CACNA1E: variants seen among roughly 807,000 people sequenced by gnomAD.
CACNA1E encodes the protein voltage-dependent R-type calcium channel subunit alpha-1E.
A neutral mutation model predicts 259.2 loss-of-function variants in CACNA1E; 40 were observed. The observed-to-expected ratio is 0.15, with a 90% CI of 0.12 to 0.20. CACNA1E has a LOEUF of 0.20. Ranked by LOEUF, CACNA1E falls within the 10% of genes least tolerant of loss-of-function variation. The pLI is 1.00. For synonymous variants in CACNA1E, 1,104 were observed against 1,138.5 expected, an observed-to-expected ratio of 0.97 and a Z score of 0.61; for missense variants, 1,874 against 3,040.1, an observed-to-expected ratio of 0.62 and a Z score of 9.02.
intron 2 of CACNA1E, among the ~76,000 whole-genome samples, chr1:181,469,628 T>C (rs1035364312): frequency 1.3e-5 from 2 of 152,130 alleles, no homozygotes; most frequent in African/African-American, 4.8e-5. Context: ...AAGCCATCCA[T>C]ATGGATGAGA....
At chr1:181,772,325 A>G (rs1382988851) in intron 37 of CACNA1E, 94 bp downstream of exon 37, 1 of 1,300,938 alleles carries the variant, frequency 7.7e-7, no homozygotes, top group African/African-American at 1.5e-5. Context: ...GCTTCAGTGT[A>G]TGTTTGTGCC....
Position 181,776,414 on chromosome 1 carries a change from C to A in CACNA1E, c.5267+186C>A. On this transcript the variant is annotated intron_variant, in intron 38 of 47. Transcript: ENST00000367573. The surrounding 1 kb of genome is among the most constrained non-coding windows in gnomAD (Gnocchi z 4.4). ...CAGTCACCAAGGACTTCTGTATCCTCCTTTCCCCTCTCTTTCCTTCTGTGA... is the reference window on the plus strand; with the variant it reads ...CAGTCACCAAGGACTTCTGTATCCTACTTTCCCCTCTCTTTCCTTCTGTGA... 1.7e-6 allele frequency: 1 copy of A among 583,552 alleles called. No individual in the cohort carries two copies. The highest frequency in any genetic ancestry group is 3.0e-6 in the Non-Finnish European group (1 of 328,036). The allele number at this position is 583,552 out of a possible 1,614,324, so 36.1% of individuals were successfully genotyped here. A position where few individuals can be genotyped will look rare whatever the true frequency, so the allele number is the denominator to read the frequency against.
intron 25 of CACNA1E, among the ~76,000 whole-genome samples, chr1:181,741,175 A>G (rs1308470436): frequency 1.3e-5 from 2 of 152,116 alleles, no homozygotes; most frequent in Non-Finnish European, 2.9e-5. Flanking sequence ...GAAAGAACCC[A>G]CCCCATCTTT....
At position 181,717,348 on chromosome 1, in the gene CACNA1E, G is replaced by A; in HGVS notation, c.1525+46G>A. ...AAGCCTCCTCTGCTGGTCCCCATGT[G>A]GGGCAGCTTGATGTGTGTGTGAACG... On this transcript the variant is annotated intron_variant, in intron 11 of 47. Coordinates refer to ENST00000367573, the MANE Select transcript of CACNA1E (RefSeq NM_001205293.3). 2.0e-6 allele frequency: 3 copies of A among 1,510,660 alleles called. No individual in the cohort carries two copies. In the South Asian group the frequency reaches 3.4e-5, roughly 17 times the overall value. The allele number at this position is 1,510,660 out of a possible 1,614,324, so 93.6% of individuals were successfully genotyped here. A position where few individuals can be genotyped will look rare whatever the true frequency, so the allele number is the denominator to read the frequency against.
chr1:181,359,014 G>C (rs952543858), intron 1 of CACNA1E, among the ~76,000 whole-genome samples: 2 of 152,188 alleles, frequency 1.3e-5, no homozygotes, highest in East Asian at 3.8e-4. Context: ...GGTATGCTAT[G>C]TTTGATCAGT....
intron 1 of CACNA1E, among the ~76,000 whole-genome samples, chr1:181,391,655 C>T (rs1185394519): frequency 6.6e-6 from 1 of 152,154 alleles, no homozygotes; most frequent in Non-Finnish European, 1.5e-5. Context: ...TTCTAGTCTC[C>T]CCCTGGGGCC....
intron 7 of CACNA1E, among the ~76,000 whole-genome samples, chr1:181,686,283 T>TTTTTTGTTTTTG (rs1650542492): frequency 8.1e-6 from 1 of 122,764 alleles, no homozygotes; most frequent in Non-Finnish European, 1.7e-5. Context: ...AAGTTTTTTT[T>TTTTTTGTTTTTG]TTTTTTTTTT....
chr1:181,717,355 C>T (rs1464665421), intron 11 of CACNA1E, 53 bp downstream of exon 11: 1 of 1,466,954 alleles, frequency 6.8e-7, no homozygotes, highest in African/African-American at 1.4e-5. Context: ...TGTGGGGCAG[C>T]TTGATGTGTG....
At position 181,733,594 on chromosome 1, in the gene CACNA1E, G is replaced by A. The variant is rs1317874109; in HGVS notation, c.3106G>A (p.Gly1036Arg). The A allele has an allele frequency of 7.4e-6, 12 of 1,612,992 alleles. No homozygotes were observed. Among genetic ancestry groups the A allele is most frequent in the Non-Finnish European group, 7.6e-6 (9 of 1,179,518 alleles). ...AGGCAGCAGTGAGCAGGCCCTGCTG[G>A]GGAATGTGCAGCTAGACATGGGCCG... Reference protein sequence around the residue: ...PEGSSEQALLGNVQLDMGRVI... With the variant: ...PEGSSEQALLRNVQLDMGRVI... The change falls in exon 21 of 48, where the codon GGG becomes AGG. Residue 1036 changes from glycine (G) to arginine (R), a missense_variant. This residue lies in a region of CACNA1E where 476 missense variants were observed against 514.0 expected (regional missense o/e 0.93). Transcript: ENST00000367573.
intron 1 of CACNA1E, among the ~76,000 whole-genome samples, chr1:181,361,535 G>A (rs1489102374): frequency 6.6e-6 from 1 of 152,042 alleles, no homozygotes; most frequent in Non-Finnish European, 1.5e-5. Context: ...GTTGCTAGAG[G>A]GCTGGCCCTG....
At chr1:181,500,984 C>T (rs116686054) in intron 1 of CACNA1E, among the ~76,000 whole-genome samples, 1,615 of 152,268 alleles carry the variant, frequency 0.011, 19 homozygotes, top group Non-Finnish European at 0.015. Context: ...CTGAAATGCA[C>T]GTTGCTGCCA....
chr1:181,583,158 G>A (rs1429474696), intron 6 of CACNA1E, among the ~76,000 whole-genome samples: 1 of 149,044 alleles, frequency 6.7e-6, no homozygotes, highest in Non-Finnish European at 1.5e-5. Context: ...ATACACACTG[G>A]TTGCGTACCA....
At chr1:181,369,507 A>G (rs1654528214) in intron 1 of CACNA1E, among the ~76,000 whole-genome samples, 1 of 152,214 alleles carries the variant, frequency 6.6e-6, no homozygotes, top group African/African-American at 2.4e-5. Flanking sequence ...GTAGAATGAA[A>G]GCCATCCTGT....
At chr1:181,339,608 A>G (rs1330056660) in intron 1 of CACNA1E, among the ~76,000 whole-genome samples, 1 of 152,096 alleles carries the variant, frequency 6.6e-6, no homozygotes, top group East Asian at 1.9e-4. Flanking sequence ...TTATTCATCT[A>G]CCGACATAGT....
intron 6 of CACNA1E, among the ~76,000 whole-genome samples, chr1:181,582,640 T>C (rs962722734): frequency 6.6e-6 from 1 of 152,218 alleles, no homozygotes; most frequent in Non-Finnish European, 1.5e-5. Context: ...CATTTTTTCT[T>C]TATTAGTTTC....
At chr1:181,679,283 A>G (rs1039015506) in intron 7 of CACNA1E, among the ~76,000 whole-genome samples, 9 of 152,298 alleles carry the variant, frequency 5.9e-5, no homozygotes, top group Middle Eastern at 3.4e-3. Context: ...CATATTACCC[A>G]TGGTGGAATG....
chr1:181,538,366 A>G (rs1668330060), intron 3 of CACNA1E, among the ~76,000 whole-genome samples: 1 of 152,238 alleles, frequency 6.6e-6, no homozygotes, highest in Admixed American at 6.5e-5. Flanking sequence ...GCATTTTTAT[A>G]CATGCTGCAT....
chr1:181,351,851 C>A (rs148511018), intron 1 of CACNA1E, among the ~76,000 whole-genome samples: 1 of 152,180 alleles, frequency 6.6e-6, no homozygotes, highest in Non-Finnish European at 1.5e-5. Flanking sequence ...AACTCAATGA[C>A]GCCTGCAATG....
chr1:181,658,581 G>A (rs1659397764), intron 7 of CACNA1E, among the ~76,000 whole-genome samples: 1 of 152,026 alleles, frequency 6.6e-6, no homozygotes, highest in Admixed American at 6.5e-5. Context: ...AGCCTCTTAG[G>A]TCCAGGTGGC....
Sources: allele counts gnomAD v4.1 joint callset (sites outside exome capture counted in the v4.1 genomes callset), GRCh38; gene constraint gnomAD v4.1.1; regional missense constraint gnomAD v4.1.1; non-coding constraint Gnocchi (gnomAD v3.1); transcripts MANE v1.5; gene names NCBI Gene and HGNC (gene_info 2026-07-23, HGNC 2026-07-21).